Variants in XYLT1 observed in about 807,000 individuals in gnomAD.
XYLT1 encodes the protein xylosyltransferase 1.
A neutral mutation model predicts 91.3 loss-of-function variants in XYLT1; 36 were observed. That is an observed-to-expected ratio of 0.39 (90% CI 0.30 to 0.52). The LOEUF (loss-of-function observed/expected upper bound fraction) is 0.52. XYLT1 is among the 20% of genes least tolerant of loss of function. XYLT1 has a pLI of 0.68. For missense variants in XYLT1, 1,242 were observed against 1,284.5 expected, an observed-to-expected ratio of 0.97 and a Z score of 0.51; for synonymous variants, 588 against 532.0, an observed-to-expected ratio of 1.11 and a Z score of -1.45.
At chr16:17,272,542 T>C (rs766844268) in intron 2 of XYLT1, among the ~76,000 whole-genome samples, 1 of 152,302 alleles carries the variant, frequency 6.6e-6, no homozygotes, top group South Asian at 2.1e-4. Context: ...GTTCACTCTG[T>C]AGACTGTTTT....
chr16:17,230,329 G>A (rs778909419), intron 3 of XYLT1, among the ~76,000 whole-genome samples: 35 of 152,210 alleles, frequency 2.3e-4, no homozygotes, highest in South Asian at 1.9e-3. Flanking sequence ...CCACCTCCTC[G>A]TCTGAAGCTT....
chr16:17,133,283 G>A (rs563399410), intron 9 of XYLT1, among the ~76,000 whole-genome samples: 5 of 151,902 alleles, frequency 3.3e-5, no homozygotes, highest in South Asian at 2.1e-4. Flanking sequence ...CCCCAGCCCC[G>A]TCAGAGACTG....
At chr16:17,346,333 T>G (rs1207644974) in intron 2 of XYLT1, among the ~76,000 whole-genome samples, 2 of 151,946 alleles carry the variant, frequency 1.3e-5, no homozygotes, top group Admixed American at 6.6e-5. Context: ...GAGTCCTGAG[T>G]GTGCAGGGGA....
In XYLT1 at chr16:17,196,947, GCTGC is replaced by G. The variant is rs576367547; in HGVS notation, c.1289+1261_1289+1264del. Among the ~76,000 whole-genome samples, 525 of 150,084 alleles carry G rather than the reference GCTGC, an allele frequency of 3.5e-3. 5 individuals are homozygous for G. The highest frequency in any genetic ancestry group is 0.013 in the African/African-American group (511 of 40,390). ...AATCACTTGAACCTGGTGGGTGGAG[GCTGC>G]AGCGAGCTAAGATCACACCACTGCA... On this transcript the variant is annotated intron_variant, in intron 5 of 11. Transcript: ENST00000261381.
chr16:17,270,133 C>CCAGT (rs1487684961), intron 2 of XYLT1, among the ~76,000 whole-genome samples: 1 of 152,178 alleles, frequency 6.6e-6, no homozygotes, highest in Non-Finnish European at 1.5e-5. Context: ...TTTAAAACAC[C>CCAGT]CAGTCACCTC....
intron 3 of XYLT1, among the ~76,000 whole-genome samples, chr16:17,255,720 C>T (rs1402789197): frequency 6.6e-6 from 1 of 151,964 alleles, no homozygotes; most frequent in African/African-American, 2.4e-5. Context: ...TTAAAAGTAT[C>T]GTGTAGGCCA....
intron 3 of XYLT1, among the ~76,000 whole-genome samples, chr16:17,232,405 C>CTGTGTGTGTGTG (rs1199361319): frequency 8.4e-6 from 1 of 119,210 alleles, no homozygotes; most frequent in East Asian, 2.4e-4. Context: ...GTGTCTGTGT[C>CTGTGTGTGTGTG]TGTGTGTGTG....
In XYLT1 at chr16:17,358,875, C is replaced by A. The variant is rs187736156; in HGVS notation, c.364-825G>T. The stretch of plus-strand genomic sequence containing the variant: ...AATTTCTGGTTTGAGGAGCACATTC[C>A]ATGGTCTGGGGAAGGTCTTTTTTTA... On this transcript the variant is annotated intron_variant, in intron 1 of 11. Coordinates refer to ENST00000261381, the MANE Select transcript of XYLT1 (RefSeq NM_022166.4). Among the ~76,000 whole-genome samples the A allele has an allele frequency of 5.9e-5, 9 of 152,248 alleles. No individual in the cohort carries two copies. In the East Asian group the frequency reaches 1.7e-3, roughly 29 times the overall value.
At chr16:17,277,264 G>A (rs1299946159) in intron 2 of XYLT1, among the ~76,000 whole-genome samples, 1 of 151,992 alleles carries the variant, frequency 6.6e-6, no homozygotes, top group Admixed American at 6.6e-5. Flanking sequence ...AGTTGCATGT[G>A]TGTATTGTGT....
chr16:17,158,707 G>T, intron 6 of XYLT1, 122 bp downstream of exon 6: 1 of 1,010,928 alleles, frequency 9.9e-7, no homozygotes, highest in Non-Finnish European at 1.5e-6. Flanking sequence ...GACAGCTGGT[G>T]CCAAGCCTTT....
rs553652967 is a variant in XYLT1 at position 17,195,908 on chromosome 16, C to T, written c.1289+2304G>A. ...AAAATGCACTACTTCGAATGTAGCACGGTAGTTGCTCAGTAAATGTTTGTT... is the reference window on the plus strand; with the variant it reads ...AAAATGCACTACTTCGAATGTAGCATGGTAGTTGCTCAGTAAATGTTTGTT... On this transcript the variant is annotated intron_variant, in intron 5 of 11. Coordinates refer to ENST00000261381, the MANE Select transcript of XYLT1 (RefSeq NM_022166.4). 2.4e-4 allele frequency among the ~76,000 whole-genome samples: 37 copies of T among 152,310 alleles called. 1 individual carries two copies. Among genetic ancestry groups the T allele is most frequent in the East Asian group, 1.5e-3 (8 of 5,186 alleles).
At chr16:17,273,767 C>A (rs77407407) in intron 2 of XYLT1, among the ~76,000 whole-genome samples, 40,180 of 149,450 alleles carry the variant, frequency 0.27, 6,668 homozygotes, top group African/African-American at 0.47. Context: ...TCGCTTGAAC[C>A]CGGGAGGCAG....
chr16:17,225,074 T>C (rs1346065802), intron 3 of XYLT1, among the ~76,000 whole-genome samples: 1 of 152,140 alleles, frequency 6.6e-6, no homozygotes, highest in Admixed American at 6.6e-5. Context: ...CTACCAAATA[T>C]AGTATTAGTC....
intron 5 of XYLT1, among the ~76,000 whole-genome samples, chr16:17,176,031 T>C (rs929324181): frequency 6.2e-5 from 9 of 144,060 alleles, no homozygotes; most frequent in Non-Finnish European, 1.2e-4. Context: ...TTTTAATAAA[T>C]GGGGAATGCA....
intron 3 of XYLT1, among the ~76,000 whole-genome samples, chr16:17,220,992 A>T (rs145835431): frequency 0.027 from 4,051 of 152,302 alleles, 69 homozygotes; most frequent in Admixed American, 0.039. Flanking sequence ...GGCACAAAAT[A>T]GGCACTAGGG....
chr16:17,379,541 G>A (rs911667251), intron 1 of XYLT1, among the ~76,000 whole-genome samples: 1 of 152,136 alleles, frequency 6.6e-6, no homozygotes, highest in Admixed American at 6.5e-5. Flanking sequence ...TGGTGGGTGG[G>A]AGCAGGATCC....
At chr16:17,138,632 C>G (rs775720010) in intron 7 of XYLT1, 101 bp from the exon 8 acceptor site, 1 of 1,406,496 alleles carries the variant, frequency 7.1e-7, no homozygotes, top group East Asian at 2.4e-5. Flanking sequence ...CATGTAAGAA[C>G]TGGTTGTTTA....
chr16:17,307,582 T>C (rs561809710), intron 2 of XYLT1, among the ~76,000 whole-genome samples: 1 of 152,332 alleles, frequency 6.6e-6, no homozygotes, highest in East Asian at 1.9e-4. Context: ...TTTCCTGCCT[T>C]GAAGAGGCCA....
At chr16:17,430,004 T>C (rs1400478730) in intron 1 of XYLT1, among the ~76,000 whole-genome samples, 2 of 151,266 alleles carry the variant, frequency 1.3e-5, no homozygotes, top group African/African-American at 4.9e-5. Context: ...TGGTGTGATC[T>C]TGGCTCACTG....
Sources: gnomAD v4.1 joint callset for allele counts (sites outside exome capture counted in the v4.1 genomes callset) on GRCh38, gnomAD v4.1.1 for gene constraint, MANE v1.5 for transcripts, NCBI Gene and HGNC (gene_info 2026-07-23, HGNC 2026-07-21) for gene names.